The following RSU1 variants were observed in gnomAD, a reference collection of about 807,000 sequenced individuals.
RSU1 encodes the protein Ras suppressor protein 1.
In RSU1, 26 loss-of-function variants were observed where a neutral mutation model predicts 31.1. The ratio of observed to expected loss-of-function variants is 0.84; its 90% CI spans 0.61 to 1.16. The LOEUF (loss-of-function observed/expected upper bound fraction) is 1.16. Ranked by LOEUF, RSU1 falls within the 50% of genes most tolerant of loss-of-function variation. The pLI, the probability that RSU1 is intolerant of heterozygous loss-of-function variation, is 0.00. For synonymous variants in RSU1, 164 were observed against 136.3 expected (o/e 1.20, Z -1.41); for missense variants, 320 against 339.1 (o/e 0.94, Z 0.44).
intron 8 of RSU1, among the ~76,000 whole-genome samples, chr10:16,615,209 A>G (rs1284081373): frequency 2.7e-5 from 4 of 148,998 alleles, no homozygotes; most frequent in Non-Finnish European, 4.5e-5. Flanking sequence ...AAATGGAGAG[A>G]AAAAAAAAAG....
chr10:16,778,208 G>A (rs1837575872), intron 3 of RSU1, among the ~76,000 whole-genome samples: 1 of 151,816 alleles, frequency 6.6e-6, no homozygotes. Context: ...TGTTGCCCAG[G>A]CTGAAGGTCA....
chr10:16,742,567 T>C (rs774544655), intron 7 of RSU1, among the ~76,000 whole-genome samples: 35 of 151,990 alleles, frequency 2.3e-4, no homozygotes, highest in Non-Finnish European at 2.8e-4. Context: ...TATATATGTA[T>C]TGAGGTGATA....
At chr10:16,717,628 A>G (rs1836169427) in intron 7 of RSU1, among the ~76,000 whole-genome samples, 1 of 152,230 alleles carries the variant, frequency 6.6e-6, no homozygotes, top group African/African-American at 2.4e-5. Flanking sequence ...AGCAAAAACA[A>G]CATACCAAAG....
intron 4 of RSU1, among the ~76,000 whole-genome samples, chr10:16,759,629 T>C (rs1837168025): frequency 6.6e-6 from 1 of 152,212 alleles, no homozygotes; most frequent in Admixed American, 6.5e-5. Flanking sequence ...TCCCGAACAG[T>C]TGGGCACGGT....
At chr10:16,628,877 T>TG (rs1490317667) in intron 8 of RSU1, among the ~76,000 whole-genome samples, 1 of 152,116 alleles carries the variant, frequency 6.6e-6, no homozygotes, top group South Asian at 2.1e-4. Context: ...TCTCCAACGG[T>TG]GGGAAAAAAA....
chr10:16,809,519 A>G (rs1838356091), intron 2 of RSU1, among the ~76,000 whole-genome samples: 1 of 152,088 alleles, frequency 6.6e-6, no homozygotes, highest in Non-Finnish European at 1.5e-5. Flanking sequence ...CTCAACACTG[A>G]CCCCTGCTGC....
At chr10:16,673,619 C>T (rs373068833) in intron 8 of RSU1, among the ~76,000 whole-genome samples, 74 of 152,304 alleles carry the variant, frequency 4.9e-4, no homozygotes, top group Admixed American at 1.4e-3. Context: ...GCCTGACTGG[C>T]GCTGGATGTC....
rs1420718168 is a variant in RSU1, at chr10:16,598,947, A to T, written c.732-5451T>A. ...AATTAAAAAGATGGAAAAATGAAAGAACCAAGACGCAGAGAGGCAAGGTGT... is the reference window on the plus strand; with the variant it reads ...AATTAAAAAGATGGAAAAATGAAAGTACCAAGACGCAGAGAGGCAAGGTGT... On this transcript the variant is annotated intron_variant, in intron 8 of 8. Coordinates refer to ENST00000345264, the MANE Select transcript of RSU1 (RefSeq NM_012425.4). Among the ~76,000 whole-genome samples, 4 of 152,192 alleles carry T rather than the reference A, an allele frequency of 2.6e-5. No homozygotes were observed. In the East Asian group the frequency reaches 7.7e-4, roughly 29 times the overall value.
intron 2 of RSU1, among the ~76,000 whole-genome samples, chr10:16,816,689 T>C (rs571301947): frequency 6.6e-6 from 1 of 152,238 alleles, no homozygotes; most frequent in Admixed American, 6.5e-5. Flanking sequence ...AAAGTGACTA[T>C]TAAGCAAACT....
At chr10:16,720,907 G>A (rs1206002850) in intron 7 of RSU1, among the ~76,000 whole-genome samples, 1 of 152,106 alleles carries the variant, frequency 6.6e-6, no homozygotes, top group African/African-American at 2.4e-5. Context: ...GATCACCTGA[G>A]CCCTGAGAGT....
chr10:16,592,154 C>T lies in RSU1; in HGVS notation c.*1240G>A, dbSNP rs1433764528. The T allele has an allele frequency of 1.3e-5, 2 of 152,160 alleles. No individual in the cohort carries two copies. The highest frequency in any genetic ancestry group is 2.9e-5 in the Non-Finnish European group (2 of 68,068). 9.4% of individuals were successfully genotyped at this position (152,160 alleles called of 1,614,324 possible). A position where few individuals can be genotyped will look rare whatever the true frequency, so the allele number is the denominator to read the frequency against. The stretch of plus-strand genomic sequence containing the variant: ...AGGATACAGCAGAGATTTTATATGC[C>T]CCAGTGGGTCCTGGTCTTGGGAGCT... On this transcript the variant is annotated 3_prime_UTR_variant, in exon 9 of 9. Coordinates refer to ENST00000345264, the MANE Select transcript of RSU1 (RefSeq NM_012425.4).
intron 8 of RSU1, among the ~76,000 whole-genome samples, chr10:16,681,005 C>T (rs988879460): frequency 6.6e-6 from 1 of 152,192 alleles, no homozygotes; most frequent in South Asian, 2.1e-4. Flanking sequence ...GGAAATGATG[C>T]TTCCTATTGT....
At chr10:16,722,212 G>A (rs148777963) in intron 7 of RSU1, among the ~76,000 whole-genome samples, 35 of 152,296 alleles carry the variant, frequency 2.3e-4, no homozygotes, top group Admixed American at 3.3e-4. Context: ...TCAAAGGTAT[G>A]CATGTATCAG....
chr10:16,791,156 A>C (rs1454919519), intron 2 of RSU1, among the ~76,000 whole-genome samples: 1 of 152,166 alleles, frequency 6.6e-6, no homozygotes, highest in African/African-American at 2.4e-5. Flanking sequence ...CCTCCTGAGT[A>C]GCTGGGGTTA....
chr10:16,753,746 A>G (rs369939654), intron 5 of RSU1, among the ~76,000 whole-genome samples: 6 of 152,180 alleles, frequency 3.9e-5, no homozygotes, highest in South Asian at 4.1e-4. Flanking sequence ...AAAGCTGAGT[A>G]TAATTAGATA....
At chr10:16,644,486 G>A (rs7921694) in intron 8 of RSU1, among the ~76,000 whole-genome samples, 6,795 of 152,214 alleles carry the variant, frequency 0.045, 522 homozygotes, top group African/African-American at 0.15. Context: ...AGTAGTGCTT[G>A]GATATATGTG....
At chr10:16,612,576 C>A (rs1387255203) in intron 8 of RSU1, among the ~76,000 whole-genome samples, 1 of 152,210 alleles carries the variant, frequency 6.6e-6, no homozygotes, top group Non-Finnish European at 1.5e-5. Context: ...CAGATGGGAA[C>A]CATATTACGT....
At chr10:16,686,332 T>C (rs997976947) in intron 8 of RSU1, among the ~76,000 whole-genome samples, 4 of 152,278 alleles carry the variant, frequency 2.6e-5, no homozygotes, top group Admixed American at 1.3e-4. Context: ...CTCAGCTGAA[T>C]AGAAAGCATC....
At chr10:16,809,155 T>C (rs1838346528) in intron 2 of RSU1, among the ~76,000 whole-genome samples, 1 of 152,238 alleles carries the variant, frequency 6.6e-6, no homozygotes, top group Non-Finnish European at 1.5e-5. Context: ...CCTGAAATAC[T>C]GTTTTACAGC....
Sources: allele counts gnomAD v4.1 joint callset (sites outside exome capture counted in the v4.1 genomes callset), GRCh38; gene constraint gnomAD v4.1.1; transcripts MANE v1.5; gene names NCBI Gene and HGNC (gene_info 2026-07-23, HGNC 2026-07-21).